R3HCC1L: variants seen among roughly 807,000 people sequenced by gnomAD.
The protein encoded by R3HCC1L is R3H domain and coiled-coil containing 1 like.
R3HCC1L carries 51 observed loss-of-function variants against 59.9 expected under a neutral mutation model. The ratio of observed to expected loss-of-function variants is 0.85; its 90% CI spans 0.68 to 1.07. The LOEUF is 1.07. R3HCC1L is among the 50% of genes least tolerant of loss of function. The pLI is 0.00. For synonymous variants in R3HCC1L, 322 were observed against 315.2 expected, an observed-to-expected ratio of 1.02 and a Z score of -0.23; for missense variants, 965 against 933.0, an observed-to-expected ratio of 1.03 and a Z score of -0.45.
intron 4 of R3HCC1L, among the ~76,000 whole-genome samples, chr10:98,194,093 G>A (rs1564674177): frequency 6.6e-6 from 1 of 152,052 alleles, no homozygotes; most frequent in Non-Finnish European, 1.5e-5. Flanking sequence ...ATATTACAAA[G>A]CTATAGTGAT....
At chr10:98,212,608 A>G (rs1316401550) in intron 5 of R3HCC1L, among the ~76,000 whole-genome samples, 1 of 152,220 alleles carries the variant, frequency 6.6e-6, no homozygotes, top group African/African-American at 2.4e-5. Context: ...TAAGGTGGTA[A>G]TTGATGAAGG....
chr10:98,176,142 C>T (rs1486524093), intron 4 of R3HCC1L, among the ~76,000 whole-genome samples: 1 of 152,062 alleles, frequency 6.6e-6, no homozygotes, highest in African/African-American at 2.4e-5. Flanking sequence ...AATGTTTACC[C>T]TTTCTCCAAT....
chr10:98,184,685 G>A (rs184132647), intron 4 of R3HCC1L, among the ~76,000 whole-genome samples: 188 of 152,280 alleles, frequency 1.2e-3, no homozygotes, highest in Middle Eastern at 6.8e-3. Context: ...AGATGGGGAG[G>A]ACATTTTGTG....
At chr10:98,142,355 CTCTT>C (rs907751692) in intron 1 of R3HCC1L, among the ~76,000 whole-genome samples, 39 of 152,242 alleles carry the variant, frequency 2.6e-4, no homozygotes, top group African/African-American at 8.9e-4. Flanking sequence ...TTTTCTCTCT[CTCTT>C]TCTTTTCTTT....
chr10:98,218,785 G>T lies in R3HCC1L; in HGVS notation c.1785+8886G>T, dbSNP rs368439832. Reference sequence around the variant, plus strand: ...TGAGAGTGGGATGTTGAAGCCCCCAGCTATTATTGTATTGGAGTCTATTTC... The same window carrying T: ...TGAGAGTGGGATGTTGAAGCCCCCATCTATTATTGTATTGGAGTCTATTTC... On this transcript the variant is annotated intron_variant, in intron 5 of 9. Coordinates refer to ENST00000298999, the MANE Select transcript of R3HCC1L (RefSeq NM_001351015.2). 3.3e-5 allele frequency among the ~76,000 whole-genome samples: 5 copies of T among 152,270 alleles called. No individual in the cohort carries two copies. In the South Asian group the frequency reaches 1.0e-3, roughly 32 times the overall value.
rs575548259 is a variant in R3HCC1L at position 98,166,099 on chromosome 10, G to T, written c.-15+2702G>T. On this transcript the variant is annotated intron_variant, in intron 4 of 9. Coordinates refer to ENST00000298999, the MANE Select transcript of R3HCC1L (RefSeq NM_001351015.2). ...GCAGGAGAATCACTTGAACCCGGAG[G>T]TGGAGGTTGCAGTGAGCTAGGACTG... is the stretch of plus-strand genomic sequence containing the variant. 1.2e-3 allele frequency among the ~76,000 whole-genome samples: 177 copies of T among 152,346 alleles called. 1 individual carries two copies. The highest frequency in any genetic ancestry group is 4.2e-3 in the African/African-American group (173 of 41,582).
At chr10:98,180,657 G>A (rs1032920341) in intron 4 of R3HCC1L, among the ~76,000 whole-genome samples, 1 of 152,204 alleles carries the variant, frequency 6.6e-6, no homozygotes, top group Non-Finnish European at 1.5e-5. Context: ...GATATTGACA[G>A]TGGGATGTTA....
intron 4 of R3HCC1L, among the ~76,000 whole-genome samples, chr10:98,198,404 C>G (rs950041729): frequency 6.6e-6 from 1 of 151,824 alleles, no homozygotes; most frequent in African/African-American, 2.4e-5. Context: ...TTAGTTTTGC[C>G]AGTTTGCAAG....
chr10:98,139,493 T>G (rs1844916631), intron 1 of R3HCC1L, among the ~76,000 whole-genome samples: 1 of 152,194 alleles, frequency 6.6e-6, no homozygotes, highest in Non-Finnish European at 1.5e-5. Context: ...AAGAGTACCC[T>G]CCTTCTGTTG....
chr10:98,137,701 T>G (rs1002705818), intron 1 of R3HCC1L, among the ~76,000 whole-genome samples: 45 of 152,334 alleles, frequency 3.0e-4, no homozygotes, highest in African/African-American at 1.1e-3. Flanking sequence ...TTTCTGTTTT[T>G]CTAGAGATTC....
At chr10:98,156,726 A>G (rs1846918956) in intron 2 of R3HCC1L, among the ~76,000 whole-genome samples, 1 of 152,222 alleles carries the variant, frequency 6.6e-6, no homozygotes, top group South Asian at 2.1e-4. Flanking sequence ...ATTTTATGGT[A>G]GTGACTTTCT....
rs771166083 is a variant in R3HCC1L, at chr10:98,209,699, A to G, written c.1585A>G (p.Lys529Glu). 3 of 1,614,060 alleles carry G rather than the reference A, an allele frequency of 1.9e-6. No homozygotes were observed. The highest frequency in any genetic ancestry group is 2.5e-6 in the Non-Finnish European group (3 of 1,179,926). The stretch of plus-strand genomic sequence containing the variant: ...CGAACTAAGAACTGCCGAAGAGTTC[A>G]AAACAGAAGAGCAAGATGACTCAGG... Reference protein sequence around the residue: ...LHELRTAEEFKTEEQDDSGSI... With the variant: ...LHELRTAEEFETEEQDDSGSI... Residue 529 changes from lysine to glutamate, a missense_variant, in exon 5 of 10, where the codon AAA becomes GAA. Physicochemically the swap from Lys to Glu is moderately conservative, Grantham distance 56 (BLOSUM62 1). Coordinates refer to ENST00000298999, the MANE Select transcript of R3HCC1L (RefSeq NM_001351015.2).
intron 1 of R3HCC1L, among the ~76,000 whole-genome samples, chr10:98,141,743 G>A (rs1845156744): frequency 6.6e-6 from 1 of 152,160 alleles, no homozygotes; most frequent in African/African-American, 2.4e-5. Flanking sequence ...GAGCTTCTTT[G>A]CAGCATGGTG....
chr10:98,180,373 G>A (rs896461633), intron 4 of R3HCC1L, among the ~76,000 whole-genome samples: 6 of 152,188 alleles, frequency 3.9e-5, no homozygotes, highest in African/African-American at 1.4e-4. Flanking sequence ...GTGGTTTTGA[G>A]TGAGTTTCTT....
intron 4 of R3HCC1L, among the ~76,000 whole-genome samples, chr10:98,173,802 T>C (rs1159561361): frequency 6.6e-6 from 1 of 152,060 alleles, no homozygotes; most frequent in Non-Finnish European, 1.5e-5. Context: ...TGCTTGTGGA[T>C]GCATATTTAT....
intron 5 of R3HCC1L, among the ~76,000 whole-genome samples, chr10:98,226,804 T>G (rs1244797599): frequency 6.6e-6 from 1 of 152,068 alleles, no homozygotes; most frequent in Non-Finnish European, 1.5e-5. Context: ...GTTTAAGAAT[T>G]TATTAAAGTT....
chr10:98,177,617 CA>C (rs1236341042), intron 4 of R3HCC1L, among the ~76,000 whole-genome samples: 3 of 152,214 alleles, frequency 2.0e-5, no homozygotes, highest in Non-Finnish European at 2.9e-5. Flanking sequence ...CTGTCTTCCA[CA>C]ATGGTAGAAC....
intron 5 of R3HCC1L, among the ~76,000 whole-genome samples, chr10:98,220,341 T>A (rs971347192): frequency 2.6e-5 from 4 of 151,866 alleles, no homozygotes; most frequent in African/African-American, 9.7e-5. Flanking sequence ...TTTTGAATTC[T>A]TTGTCAGGCA....
At chr10:98,159,651 C>T (rs1038953930) in intron 2 of R3HCC1L, among the ~76,000 whole-genome samples, 9 of 152,162 alleles carry the variant, frequency 5.9e-5, no homozygotes, top group Non-Finnish European at 1.3e-4. Context: ...ATTCCTTCTA[C>T]ACTTATTTAT....
Sources: gnomAD v4.1 joint callset for allele counts (sites outside exome capture counted in the v4.1 genomes callset) on GRCh38, gnomAD v4.1.1 for gene constraint, MANE v1.5 for transcripts, NCBI Gene and HGNC (gene_info 2026-07-23, HGNC 2026-07-21) for gene names.